Variants in ZNF254 observed in about 807,000 individuals in gnomAD.
ZNF254 encodes zinc finger protein 254, also known as CTD-2017D11.1.
In ZNF254, 10 loss-of-function variants were observed where a neutral mutation model predicts 12.4. That is an observed-to-expected ratio of 0.80 (90% CI 0.50 to 1.36). The LOEUF is 1.36. Among genes scored for constraint, ZNF254 ranks in the 40% most tolerant of loss-of-function variants. ZNF254 has a pLI of 0.00. For synonymous variants in ZNF254, 305 were observed against 253.4 expected (o/e 1.20, Z -1.93); for missense variants, 996 against 763.9 (o/e 1.30, Z -3.58).
At chr19:24,090,422 A>G (rs1245163897) in intron 1 of ZNF254, among the ~76,000 whole-genome samples, 1 of 152,002 alleles carries the variant, frequency 6.6e-6, no homozygotes, top group African/African-American at 2.4e-5. Flanking sequence ...AGGTTTTTTC[A>G]CTTATTTTGA....
At chr19:24,091,311 TAAAGAA>T (rs969861749) in intron 1 of ZNF254, among the ~76,000 whole-genome samples, 3 of 93,494 alleles carry the variant, frequency 3.2e-5, no homozygotes, top group Non-Finnish European at 4.5e-5. Context: ...AGGAAAAAAA[TAAAGAA>T]AAAAAAAAAA....
chr19:24,105,357 A>AC (rs1413753617), intron 1 of ZNF254: 2 of 230,982 alleles, frequency 8.7e-6, no homozygotes, highest in African/African-American at 2.4e-5. Context: ...AGAAAAACTA[A>AC]AAAAAAAAAC....
At position 24,040,958 on chromosome 19, in the gene ZNF254, TAAAG is replaced by T. The variant is rs536112555; in HGVS notation, c.-189-5223_-189-5220del. On this transcript the variant is annotated intron_variant, in intron 1 of 4. Coordinates refer to the ZNF254 transcript ENST00000613065. ...ATCAGCATTAACAGGGAACTTTCGATAAAGAAGCCAATTTCTGGACCCCTCCAAA... is the reference window on the plus strand; with the variant it reads ...ATCAGCATTAACAGGGAACTTTCGATAAGCCAATTTCTGGACCCCTCCAAA... Among the ~76,000 whole-genome samples, 1,010 of 152,330 alleles carry T rather than the reference TAAAG, an allele frequency of 6.6e-3. 4 individuals carry two copies. Among genetic ancestry groups the T allele is most frequent in the Middle Eastern group, 0.024 (7 of 294 alleles).
chr19:24,087,086 G>A, upstream of ZNF254: 1 of 523,292 alleles, frequency 1.9e-6, no homozygotes, highest in South Asian at 1.9e-5. Context: ...GGTCTGAGTA[G>A]GCGGGGCCTT....
rs1713954407 is a variant in ZNF254, at chr19:24,127,124, A to G, written c.1124A>G (p.Glu375Gly). The G allele has an allele frequency of 6.2e-7, 1 of 1,613,552 alleles. No homozygotes were observed. Among genetic ancestry groups the G allele is most frequent in the Admixed American group, 1.7e-5 (1 of 59,922 alleles). The change falls in exon 4 of 4, where the codon GAG becomes GGG. Residue 375 changes from glutamate to glycine, a missense_variant. Coordinates refer to ENST00000357002, the MANE Select transcript of ZNF254 (RefSeq NM_203282.4). ...ACACATAAGATAATTCATACTGGAGAGAAACGCTACAAATGCTTAGAATGT... is the reference window on the plus strand; with the variant it reads ...ACACATAAGATAATTCATACTGGAGGGAAACGCTACAAATGCTTAGAATGT... ...LTTHKIIHTG[E>G]KRYKCLECGK...
intron 3 of ZNF254, among the ~76,000 whole-genome samples, chr19:24,122,948 G>A (rs1460525852): frequency 6.6e-6 from 1 of 152,154 alleles, no homozygotes; most frequent in Non-Finnish European, 1.5e-5. Context: ...TTTGTAGTGT[G>A]ATTTAATCAA....
chr19:24,076,372 C>T (rs1050538748), intron 2 of ZNF254, among the ~76,000 whole-genome samples: 3 of 152,190 alleles, frequency 2.0e-5, no homozygotes, highest in Admixed American at 1.3e-4. Flanking sequence ...TTTGGGGTCC[C>T]TGACTTCCTG....
At chr19:24,085,008 C>T (rs963786940), upstream of ZNF254, among the ~76,000 whole-genome samples, 3 of 148,832 alleles carry the variant, frequency 2.0e-5, no homozygotes, top group African/African-American at 5.0e-5. Flanking sequence ...TCTTGGCTCA[C>T]TTCAACCTCC....
chr19:24,085,427 A>ATATATATATATATATATATATATATATAT (rs1369362234), upstream of ZNF254, among the ~76,000 whole-genome samples: 424 of 42,236 alleles, frequency 0.01, 39 homozygotes, highest in African/African-American at 0.016. Context: ...TATATATATA[A>ATATATATATATATATATATATATATATAT]AAACTAAGAT....
At chr19:24,117,472 C>T (rs1322719770) in intron 3 of ZNF254, among the ~76,000 whole-genome samples, 2 of 152,188 alleles carry the variant, frequency 1.3e-5, no homozygotes, top group African/African-American at 4.8e-5. Context: ...ATCAGCGAGA[C>T]TCTGTGGGCG....
chr19:24,091,232 A>G (rs1316739662), intron 1 of ZNF254, among the ~76,000 whole-genome samples: 2 of 151,746 alleles, frequency 1.3e-5, no homozygotes, highest in Non-Finnish European at 2.9e-5. Context: ...GGCATCAACC[A>G]CCGTGCTTGG....
At chr19:24,045,701 C>T (rs974344613) in intron 1 of ZNF254, among the ~76,000 whole-genome samples, 2 of 151,326 alleles carry the variant, frequency 1.3e-5, no homozygotes, top group Non-Finnish European at 2.9e-5. Flanking sequence ...AATCTAGCCC[C>T]TTCTTCGGGG....
At chr19:24,079,653 C>T (rs1307271282) in intron 2 of ZNF254, 1 of 152,288 alleles carries the variant, frequency 6.6e-6, no homozygotes, top group South Asian at 2.1e-4. Flanking sequence ...AGGATCTGTA[C>T]ATTTTGTTGT....
intron 3 of ZNF254, among the ~76,000 whole-genome samples, chr19:24,124,261 A>G (rs1029229521): frequency 4.6e-5 from 7 of 151,856 alleles, no homozygotes; most frequent in African/African-American, 1.5e-4. Context: ...CTTCCCTCAA[A>G]TTTGTCATTG....
intron 1 of ZNF254, among the ~76,000 whole-genome samples, chr19:24,088,510 C>T (rs1972167263): frequency 6.6e-6 from 1 of 152,112 alleles, no homozygotes; most frequent in Non-Finnish European, 1.5e-5. Context: ...TTCCTCCAGC[C>T]TAACTCTGGC....
intron 2 of ZNF254, among the ~76,000 whole-genome samples, chr19:24,081,921 G>A (rs1053005867): frequency 6.6e-6 from 1 of 152,070 alleles, no homozygotes; most frequent in Non-Finnish European, 1.5e-5. Context: ...TCAGGAGTTC[G>A]AGACCAGCCT....
At chr19:24,058,023 C>A (rs565182702) in intron 2 of ZNF254, among the ~76,000 whole-genome samples, 3 of 152,274 alleles carry the variant, frequency 2.0e-5, no homozygotes, top group East Asian at 3.9e-4. Context: ...CACTGCTGGA[C>A]CCAGCACCTA....
intron 3 of ZNF254, chr19:24,106,993 G>A: frequency 2.2e-6 from 1 of 445,088 alleles, no homozygotes; most frequent in Non-Finnish European, 3.9e-6. Context: ...TGTTTTTTAA[G>A]TTCTCTTTTT....
intron 2 of ZNF254, among the ~76,000 whole-genome samples, chr19:24,053,995 G>A (rs550901101): frequency 2.0e-5 from 3 of 152,226 alleles, no homozygotes; most frequent in Admixed American, 6.5e-5. Context: ...ATATATCTGC[G>A]TCCATGACCT....
Sources: gnomAD v4.1 joint callset for allele counts (sites outside exome capture counted in the v4.1 genomes callset) on GRCh38, gnomAD v4.1.1 for gene constraint, MANE v1.5 for transcripts, NCBI Gene and HGNC (gene_info 2026-07-23, HGNC 2026-07-21) for gene names.